FGF14: variants seen among roughly 807,000 people sequenced by gnomAD.
FGF14 encodes fibroblast growth factor 14, also known as fibroblast growth factor homologous factor 4.
A neutral mutation model predicts 25.5 loss-of-function variants in FGF14; 5 were observed. The ratio of observed to expected loss-of-function variants is 0.20; its 90% CI spans 0.10 to 0.41. The LOEUF (loss-of-function observed/expected upper bound fraction) is 0.41. Ranked by LOEUF, FGF14 falls within the 10% of genes least tolerant of loss-of-function variation. The pLI is 1.00. For synonymous variants in FGF14, 138 were observed against 118.3 expected (o/e 1.17, Z -1.08); for missense variants, 222 against 320.1 (o/e 0.69, Z 2.34).
intron 2 of FGF14, 52 bp downstream of exon 2, chr13:101,875,134 G>T: frequency 1.7e-6 from 2 of 1,158,778 alleles, no homozygotes; most frequent in East Asian, 2.3e-5. Context: ...CATTTAAGTA[G>T]CAGTGTATCT....
At chr13:102,235,517 C>A (rs1357588219) in intron 1 of FGF14, among the ~76,000 whole-genome samples, 1 of 152,122 alleles carries the variant, frequency 6.6e-6, no homozygotes, top group Non-Finnish European at 1.5e-5. Flanking sequence ...TTAGCTGATT[C>A]GTGCGCACCT....
At chr13:101,900,519 G>A (rs900632694) in intron 1 of FGF14, among the ~76,000 whole-genome samples, 2 of 152,142 alleles carry the variant, frequency 1.3e-5, no homozygotes, top group East Asian at 3.8e-4. Context: ...ACTACTAGCA[G>A]AGATAACATG....
intron 1 of FGF14, chr13:102,395,326 C>T (rs1454609702): frequency 6.6e-6 from 1 of 151,948 alleles, no homozygotes; most frequent in Non-Finnish European, 1.5e-5. Context: ...CTAATGGTGC[C>T]CTAACGTTTG....
chr13:101,928,065 T>C (rs117008362), intron 1 of FGF14, among the ~76,000 whole-genome samples: 4,916 of 152,314 alleles, frequency 0.032, 106 homozygotes, highest in Non-Finnish European at 0.045. Context: ...ACTTTTACTC[T>C]TGAAGCACTA....
chr13:101,844,830 A>G (rs1200011412), intron 3 of FGF14, among the ~76,000 whole-genome samples: 5 of 152,026 alleles, frequency 3.3e-5, no homozygotes, highest in African/African-American at 1.2e-4. Flanking sequence ...ACATTTAACT[A>G]GGAGCAAAGA....
chr13:102,143,353 G>T (rs1246536861), intron 1 of FGF14, among the ~76,000 whole-genome samples: 1 of 152,054 alleles, frequency 6.6e-6, no homozygotes, highest in Non-Finnish European at 1.5e-5. Context: ...AAAAAAAAAT[G>T]TGTGTGTGTT....
At chr13:102,034,709 T>C (rs2139958662) in intron 1 of FGF14, among the ~76,000 whole-genome samples, 1 of 152,264 alleles carries the variant, frequency 6.6e-6, no homozygotes, top group Non-Finnish European at 1.5e-5. Context: ...ACCACTCAGC[T>C]CACCCTCCTC....
At chr13:102,370,386 T>C (rs1157738240) in intron 1 of FGF14, among the ~76,000 whole-genome samples, 1 of 152,172 alleles carries the variant, frequency 6.6e-6, no homozygotes, top group Non-Finnish European at 1.5e-5. Flanking sequence ...GGGTACATAA[T>C]AGATACATAC....
At chr13:101,813,808 C>T (rs1043132390) in intron 3 of FGF14, among the ~76,000 whole-genome samples, 7 of 152,344 alleles carry the variant, frequency 4.6e-5, no homozygotes, top group Admixed American at 3.9e-4. Flanking sequence ...ACTCCTTCTT[C>T]AGAACACTCT....
intron 1 of FGF14, among the ~76,000 whole-genome samples, chr13:102,297,966 G>A (rs758472557): frequency 3.9e-5 from 6 of 152,076 alleles, no homozygotes; most frequent in Non-Finnish European, 5.9e-5. Flanking sequence ...GGAAGTTCTC[G>A]TCTCAACAAC....
intron 1 of FGF14, chr13:102,393,669 A>G (rs771415235): frequency 1.3e-5 from 2 of 152,226 alleles, no homozygotes; most frequent in Non-Finnish European, 2.9e-5. Flanking sequence ...TTCAGCACCA[A>G]CCACACAATT....
At chr13:102,002,042 G>T (rs986609242) in intron 1 of FGF14, 2 of 152,100 alleles carry the variant, frequency 1.3e-5, no homozygotes, top group Non-Finnish European at 2.9e-5. Context: ...CCCAACACAG[G>T]AGGCTATAAA....
intron 1 of FGF14, among the ~76,000 whole-genome samples, chr13:102,164,853 A>C (rs1433355279): frequency 1.3e-5 from 2 of 152,182 alleles, no homozygotes; most frequent in East Asian, 1.9e-4. Flanking sequence ...AAAGAACCAG[A>C]GAGTTTTTGA....
At chr13:102,297,151 G>A (rs969243699) in intron 1 of FGF14, among the ~76,000 whole-genome samples, 6 of 152,038 alleles carry the variant, frequency 3.9e-5, no homozygotes, top group African/African-American at 4.8e-5. Context: ...ATTTTACCTC[G>A]GATTTTCCTC....
intron 1 of FGF14, among the ~76,000 whole-genome samples, chr13:101,885,147 C>A (rs537123918): frequency 2.6e-5 from 4 of 152,146 alleles, no homozygotes; most frequent in African/African-American, 9.7e-5. Context: ...TGGAGTTGCA[C>A]GCAGTCCAGG....
chr13:101,980,931 G>A (rs1344280693), intron 1 of FGF14, among the ~76,000 whole-genome samples: 1 of 152,144 alleles, frequency 6.6e-6, no homozygotes, highest in African/African-American at 2.4e-5. Context: ...CCTCAACGGA[G>A]TAAGTACTGT....
At chr13:102,332,070 T>C (rs547137132) in intron 1 of FGF14, among the ~76,000 whole-genome samples, 2 of 152,270 alleles carry the variant, frequency 1.3e-5, no homozygotes, top group South Asian at 4.2e-4. Flanking sequence ...TAAGTAACTT[T>C]ACTTCTTGGT....
At chr13:102,362,873 T>A (rs2057606656) in intron 1 of FGF14, among the ~76,000 whole-genome samples, 1 of 152,130 alleles carries the variant, frequency 6.6e-6, no homozygotes, top group African/African-American at 2.4e-5. Flanking sequence ...ATTAAAATAA[T>A]AACTATCTTT....
At chr13:101,966,700 C>T (rs898462132) in intron 1 of FGF14, among the ~76,000 whole-genome samples, 1 of 152,088 alleles carries the variant, frequency 6.6e-6, no homozygotes, top group Non-Finnish European at 1.5e-5. Context: ...TCAGGCTGGT[C>T]TCGAACCCCT....
Sources: gnomAD v4.1 joint callset for allele counts (sites outside exome capture counted in the v4.1 genomes callset) on GRCh38, gnomAD v4.1.1 for gene constraint, MANE v1.5 for transcripts, NCBI Gene and HGNC (gene_info 2026-07-23, HGNC 2026-07-21) for gene names.